ARHGEF10: variants seen among roughly 807,000 people sequenced by gnomAD.
ARHGEF10 encodes Rho guanine nucleotide exchange factor (GEF) 10.
In ARHGEF10, 140 loss-of-function variants were observed where a neutral mutation model predicts 147.4. That is an observed-to-expected ratio of 0.95 (90% CI 0.83 to 1.09). The LOEUF is 1.09. ARHGEF10 is among the 50% of genes least tolerant of loss of function. The pLI, the probability that ARHGEF10 is intolerant of heterozygous loss-of-function variation, is 0.00. For missense variants in ARHGEF10, 2,222 were observed against 1,752.7 expected (o/e 1.27, Z -4.78); for synonymous variants, 902 against 695.8 (o/e 1.30, Z -4.67).
intron 26 of ARHGEF10, among the ~76,000 whole-genome samples, chr8:1,942,641 T>C (rs1219543820): frequency 6.6e-6 from 1 of 152,122 alleles, no homozygotes; most frequent in African/African-American, 2.4e-5. Flanking sequence ...CAGACACGAA[T>C]TATCATAGCA....
intron 2 of ARHGEF10, among the ~76,000 whole-genome samples, chr8:1,849,992 AGGG>A (rs1254494485): frequency 1.3e-5 from 1 of 79,760 alleles, no homozygotes; most frequent in Non-Finnish European, 3.0e-5. Context: ...ATGGACACAG[AGGG>A]CAAATGCTGA....
chr8:1,932,073 G>C (rs1354804632), intron 25 of ARHGEF10, among the ~76,000 whole-genome samples: 1 of 152,200 alleles, frequency 6.6e-6, no homozygotes, highest in Non-Finnish European at 1.5e-5. Flanking sequence ...GGTGCATAGA[G>C]AGAGCTCTGA....
At chr8:1,950,474 GT>G in intron 27 of ARHGEF10, among the ~76,000 whole-genome samples, 1 of 152,274 alleles carries the variant, frequency 6.6e-6, no homozygotes, top group South Asian at 2.1e-4. Context: ...TTTGAAACCA[GT>G]TAAAAACATT....
At chr8:1,893,778 G>A (rs905667573) in intron 12 of ARHGEF10, 132 bp downstream of exon 12, 10 of 695,978 alleles carry the variant, frequency 1.4e-5, no homozygotes, top group African/African-American at 1.4e-4. Flanking sequence ...TTCTCAAAAG[G>A]ATCTAAGTAT....
chr8:1,952,837 A>G lies in ARHGEF10; in HGVS notation c.3520+10A>G, dbSNP rs1815168778. 1 of 1,613,784 alleles carries G rather than the reference A, an allele frequency of 6.2e-7. No individual in the cohort carries two copies. Among genetic ancestry groups the G allele is most frequent in the Non-Finnish European group, 8.5e-7 (1 of 1,180,052 alleles). On this transcript the variant is annotated intron_variant, in intron 28 of 28. Transcript: ENST00000349830. The stretch of plus-strand genomic sequence containing the variant: ...ATTCCCAAAGTGACCGGTGAGTGGC[A>G]CCTGCAGTCTGAGTGGCTGCATCCT...
chr8:1,956,708 C>A (rs745310481), intron 28 of ARHGEF10, 41 bp from the exon 29 acceptor site: 8 of 1,612,892 alleles, frequency 5.0e-6, no homozygotes, highest in Non-Finnish European at 6.8e-6. Flanking sequence ...TCAAATTTTG[C>A]CTATTTTAAA....
intron 23 of ARHGEF10, chr8:1,926,961 T>C: frequency 4.1e-6 from 1 of 243,400 alleles, no homozygotes; most frequent in Non-Finnish European, 8.0e-6. Flanking sequence ...CCCTCTCTGG[T>C]TTCCTGTGTT....
intron 18 of ARHGEF10, among the ~76,000 whole-genome samples, chr8:1,910,534 C>T (rs902454055): frequency 6.6e-6 from 1 of 152,158 alleles, no homozygotes; most frequent in Non-Finnish European, 1.5e-5. Context: ...ATCAAACCCT[C>T]TCCACAAATA....
intron 13 of ARHGEF10, among the ~76,000 whole-genome samples, chr8:1,894,962 A>G (rs1809855653): frequency 1.3e-5 from 2 of 152,188 alleles, no homozygotes; most frequent in Admixed American, 1.3e-4. Flanking sequence ...TCTCTTCCTG[A>G]TCTAGGTGTC....
chr8:1,905,809 A>C lies in ARHGEF10; in HGVS notation c.1967+93A>C. ...CATGACTTTGTTAATTCTGTCACTCAGACTGAACTGGTTTTTTGTGCCAAA... is the reference window on the plus strand; with the variant it reads ...CATGACTTTGTTAATTCTGTCACTCCGACTGAACTGGTTTTTTGTGCCAAA... On this transcript the variant is annotated intron_variant, in intron 17 of 28. Coordinates refer to ENST00000349830, the MANE Select transcript of ARHGEF10 (RefSeq NM_014629.4). 4 of 1,522,706 alleles carry C rather than the reference A, an allele frequency of 2.6e-6. No homozygotes were observed. The South Asian group carries it at 4.5e-5, about 17-fold the overall frequency. 94.3% of individuals were successfully genotyped at this position (1,522,706 alleles called of 1,614,324 possible). A position where few individuals can be genotyped will look rare whatever the true frequency, so the allele number is the denominator to read the frequency against.
At chr8:1,835,476 T>A (rs1374714295) in intron 1 of ARHGEF10, among the ~76,000 whole-genome samples, 1 of 152,188 alleles carries the variant, frequency 6.6e-6, no homozygotes, top group Non-Finnish European at 1.5e-5. Context: ...CTGCAGCTGT[T>A]TCCCAGGTAG....
chr8:1,895,778 C>G (rs760278631), intron 13 of ARHGEF10, among the ~76,000 whole-genome samples: 3 of 152,174 alleles, frequency 2.0e-5, no homozygotes, highest in African/African-American at 4.8e-5. Context: ...TGATTTTTCT[C>G]TCTTTGAATA....
At chr8:1,912,385 G>A (rs570097678) in intron 18 of ARHGEF10, among the ~76,000 whole-genome samples, 1 of 152,260 alleles carries the variant, frequency 6.6e-6, no homozygotes, top group Non-Finnish European at 1.5e-5. Flanking sequence ...TGTGTGGAAT[G>A]TGCATTTGCT....
chr8:1,889,538 C>G (rs370004891), intron 11 of ARHGEF10, among the ~76,000 whole-genome samples: 1 of 83,378 alleles, frequency 1.2e-5, no homozygotes, highest in Admixed American at 1.2e-4. Flanking sequence ...TGAGGAGACA[C>G]TGAGTAGGGT....
chr8:1,956,075 C>T (rs1267293022), intron 28 of ARHGEF10, among the ~76,000 whole-genome samples: 3 of 152,172 alleles, frequency 2.0e-5, no homozygotes, highest in Non-Finnish European at 4.4e-5. Context: ...TGCCCCTGTC[C>T]ATATGTCATG....
Position 1,894,534 on chromosome 8 carries a change from G to C in ARHGEF10, c.1402G>C (p.Asp468His). Residue 468 changes from aspartate to histidine, a missense_variant, in exon 13 of 29, where the codon GAC (aspartate) becomes CAC (histidine). By Grantham distance (81) the Asp-to-His change is moderately conservative. Transcript: ENST00000349830. ...GCTGGCCAGCCGCGTTTCCGAGTGG[G>C]ACTCCGTGGAAATGATAGGCGATGT... ...IALASRVSEW[D>H]SVEMIGDVFV... is the part of the protein sequence containing the mutation. The C allele has an allele frequency of 1.2e-6, 2 of 1,614,174 alleles. No individual in the cohort carries two copies. Among genetic ancestry groups the C allele is most frequent in the East Asian group, 2.2e-5 (1 of 44,886 alleles).
At chr8:1,859,432 C>G (rs989017353) in intron 3 of ARHGEF10, among the ~76,000 whole-genome samples, 3 of 144,898 alleles carry the variant, frequency 2.1e-5, no homozygotes, top group African/African-American at 5.1e-5. Flanking sequence ...TGCGCAGCAC[C>G]CGCCTCTCTG....
At chr8:1,826,220 A>T in intron 1 of ARHGEF10, 2 of 1,231,140 alleles carry the variant, frequency 1.6e-6, no homozygotes, top group Non-Finnish European at 2.3e-6. Flanking sequence ...AAAGTTATTC[A>T]GAATAGCTTT....
intron 11 of ARHGEF10, among the ~76,000 whole-genome samples, chr8:1,891,256 C>T (rs964159828): frequency 4.6e-5 from 7 of 152,144 alleles, no homozygotes; most frequent in African/African-American, 1.7e-4. Context: ...TTGTTTTCCT[C>T]CTGCCAAATG....
Sources: gnomAD v4.1 joint callset for allele counts (sites outside exome capture counted in the v4.1 genomes callset) on GRCh38, gnomAD v4.1.1 for gene constraint, MANE v1.5 for transcripts, NCBI Gene and HGNC (gene_info 2026-07-23, HGNC 2026-07-21) for gene names.